Variants in NRG3 observed in about 807,000 individuals in gnomAD.
The protein encoded by NRG3 is pro-neuregulin-3, membrane-bound isoform.
A neutral mutation model predicts 66.9 loss-of-function variants in NRG3; 31 were observed. The ratio of observed to expected loss-of-function variants is 0.46; its 90% CI spans 0.35 to 0.63. The LOEUF (loss-of-function observed/expected upper bound fraction) is 0.63. Ranked by LOEUF, NRG3 falls within the 20% of genes least tolerant of loss-of-function variation. The pLI, the probability that NRG3 is intolerant of heterozygous loss-of-function variation, is 0.00. For synonymous variants in NRG3, 393 were observed against 359.4 expected, an observed-to-expected ratio of 1.09 and a Z score of -1.06; for missense variants, 910 against 878.9, an observed-to-expected ratio of 1.04 and a Z score of -0.45.
chr10:82,110,648 G>A (rs567261038), intron 1 of NRG3, among the ~76,000 whole-genome samples: 39 of 152,118 alleles, frequency 2.6e-4, no homozygotes, highest in South Asian at 2.3e-3. Context: ...TGAATATGGA[G>A]TAAGGAAGAA....
chr10:82,403,393 T>A (rs1393262951), intron 2 of NRG3, among the ~76,000 whole-genome samples: 1 of 152,188 alleles, frequency 6.6e-6, no homozygotes, highest in Admixed American at 6.6e-5. Flanking sequence ...ATTTAATTAT[T>A]TGCAAGATTC....
chr10:82,305,049 C>T (rs796344764), intron 1 of NRG3, among the ~76,000 whole-genome samples: 30 of 122,794 alleles, frequency 2.4e-4, no homozygotes, highest in African/African-American at 9.3e-4. Flanking sequence ...GGCTGGAGTG[C>T]AGTGGTGCGA....
chr10:82,618,825 T>C (rs965863064), intron 2 of NRG3, among the ~76,000 whole-genome samples: 2 of 152,110 alleles, frequency 1.3e-5, no homozygotes, highest in African/African-American at 4.8e-5. Flanking sequence ...AGTATGATAT[T>C]AAATGATATA....
At chr10:82,818,791 C>CCA (rs937684608) in intron 3 of NRG3, among the ~76,000 whole-genome samples, 2 of 152,206 alleles carry the variant, frequency 1.3e-5, no homozygotes, top group Non-Finnish European at 2.9e-5. Flanking sequence ...CATCACACCT[C>CCA]TTCCTGCTTT....
intron 1 of NRG3, among the ~76,000 whole-genome samples, chr10:81,960,769 T>G (rs1850281697): frequency 6.6e-6 from 1 of 151,764 alleles, no homozygotes; most frequent in Non-Finnish European, 1.5e-5. Context: ...GAGGAAAAGG[T>G]AACCTGGAGG....
intron 2 of NRG3, among the ~76,000 whole-genome samples, chr10:82,678,506 T>G (rs1252219146): frequency 6.6e-6 from 1 of 152,196 alleles, no homozygotes; most frequent in Non-Finnish European, 1.5e-5. Context: ...TTTGTCATTC[T>G]TCAGTTACTT....
chr10:82,643,817 T>C (rs1354630795), intron 2 of NRG3, among the ~76,000 whole-genome samples: 1 of 151,938 alleles, frequency 6.6e-6, no homozygotes, highest in Non-Finnish European at 1.5e-5. Flanking sequence ...GTTATTTGTC[T>C]CACTGCTTTT....
At chr10:82,741,909 T>C (rs1007276553) in intron 3 of NRG3, among the ~76,000 whole-genome samples, 3 of 152,310 alleles carry the variant, frequency 2.0e-5, no homozygotes, top group South Asian at 2.1e-4. Context: ...TTTCATATCT[T>C]AATGCAGCAA....
chr10:82,603,219 G>T (rs533560616), intron 2 of NRG3, among the ~76,000 whole-genome samples: 26 of 152,154 alleles, frequency 1.7e-4, no homozygotes, highest in Non-Finnish European at 3.7e-4. Context: ...TTGGAGGCTA[G>T]CTTGAGGTGT....
At chr10:82,944,814 G>GA (rs1564652770) in intron 4 of NRG3, among the ~76,000 whole-genome samples, 1 of 152,066 alleles carries the variant, frequency 6.6e-6, no homozygotes, top group Non-Finnish European at 1.5e-5. Context: ...AATTCCACAG[G>GA]AAAAAGTATT....
chr10:82,480,302 A>G (rs1223622506), intron 2 of NRG3, among the ~76,000 whole-genome samples: 1 of 152,164 alleles, frequency 6.6e-6, no homozygotes, highest in Non-Finnish European at 1.5e-5. Context: ...CCACTCTGTA[A>G]ATGTACTAAT....
At chr10:82,085,182 T>G (rs1479275362) in intron 1 of NRG3, among the ~76,000 whole-genome samples, 1 of 152,062 alleles carries the variant, frequency 6.6e-6, no homozygotes, top group African/African-American at 2.4e-5. Flanking sequence ...TACTTCAAGA[T>G]TTCATAGGGC....
At chr10:82,928,434 A>G (rs1350612420) in intron 4 of NRG3, among the ~76,000 whole-genome samples, 2 of 152,064 alleles carry the variant, frequency 1.3e-5, no homozygotes, top group Non-Finnish European at 2.9e-5. Context: ...CCTGGATGGT[A>G]TTGCCTAGGT....
chr10:82,947,294 C>A (rs2132320325), intron 4 of NRG3, among the ~76,000 whole-genome samples: 1 of 152,138 alleles, frequency 6.6e-6, no homozygotes, highest in East Asian at 1.9e-4. Context: ...TAGTTCATTT[C>A]TTTTTACTGC....
chr10:82,547,373 C>T (rs1184790870), intron 2 of NRG3, among the ~76,000 whole-genome samples: 2 of 150,654 alleles, frequency 1.3e-5, no homozygotes, highest in Non-Finnish European at 1.5e-5. Context: ...ATACATCTAT[C>T]TATATATGTA....
intron 1 of NRG3, among the ~76,000 whole-genome samples, chr10:82,254,066 G>A (rs2077603210): frequency 6.6e-6 from 1 of 152,178 alleles, no homozygotes; most frequent in African/African-American, 2.4e-5. Context: ...TCTGTTGTGA[G>A]TCACTGCTCC....
At chr10:81,910,724 T>C (rs1845054879) in intron 1 of NRG3, among the ~76,000 whole-genome samples, 1 of 152,190 alleles carries the variant, frequency 6.6e-6, no homozygotes, top group Non-Finnish European at 1.5e-5. Context: ...CATAGCTCAC[T>C]GTATCCTCAA....
At chr10:81,934,850 T>C (rs539835699) in intron 1 of NRG3, among the ~76,000 whole-genome samples, 27 of 152,352 alleles carry the variant, frequency 1.8e-4, no homozygotes, top group African/African-American at 5.5e-4. Flanking sequence ...CTATAGGTAA[T>C]GTTTTTGTAT....
intron 1 of NRG3, among the ~76,000 whole-genome samples, chr10:82,170,654 GTATATATATA>G (rs370773918): frequency 0.02 from 1,488 of 74,144 alleles, 40 homozygotes; most frequent in East Asian, 0.14. Flanking sequence ...AAAACTTGTG[GTATATATATA>G]TATATATATA....
Sources: gnomAD v4.1 joint callset for allele counts (sites outside exome capture counted in the v4.1 genomes callset) on GRCh38, gnomAD v4.1.1 for gene constraint, MANE v1.5 for transcripts, NCBI Gene and HGNC (gene_info 2026-07-23, HGNC 2026-07-21) for gene names.